Variants in UTRN observed in about 807,000 individuals in gnomAD.
UTRN encodes the protein utrophin.
In UTRN, 283 loss-of-function variants were observed where a neutral mutation model predicts 463.9. The observed-to-expected ratio is 0.61, with a 90% CI of 0.55 to 0.67. The LOEUF (loss-of-function observed/expected upper bound fraction) is 0.67, where lower values mean the gene tolerates loss of function less well. Ranked by LOEUF, UTRN falls within the 30% of genes least tolerant of loss-of-function variation. The probability of loss-of-function intolerance (pLI) is 0.00; values close to 1 mark genes in which losing one functional copy is unlikely to be tolerated. For missense variants in UTRN, 3,922 were observed against 4,084.3 expected (o/e 0.96, Z 1.08); for synonymous variants, 1,442 against 1,431.5 (o/e 1.01, Z -0.17).
intron 50 of UTRN, among the ~76,000 whole-genome samples, chr6:144,576,656 G>C (rs190280429): frequency 3.9e-5 from 6 of 152,140 alleles, no homozygotes; most frequent in Admixed American, 2.6e-4. Flanking sequence ...CAACACAAAA[G>C]GTAATTGTAT....
chr6:144,754,824 C>A, intron 57 of UTRN, 26 bp downstream of exon 57: 3 of 1,594,846 alleles, frequency 1.9e-6, no homozygotes, highest in Non-Finnish European at 2.6e-6. Context: ...CTGGACTGAT[C>A]GCATTAATTG....
At chr6:144,369,832 T>G (rs1779826181) in intron 2 of UTRN, among the ~76,000 whole-genome samples, 1 of 152,110 alleles carries the variant, frequency 6.6e-6, no homozygotes, top group South Asian at 2.1e-4. Flanking sequence ...GATCTAATGG[T>G]TTTATAAAGG....
intron 65 of UTRN, among the ~76,000 whole-genome samples, chr6:144,814,546 T>G (rs1192484883): frequency 6.6e-6 from 1 of 152,086 alleles, no homozygotes; most frequent in East Asian, 1.9e-4. Flanking sequence ...AAATTAATTA[T>G]ACAACCAAAA....
chr6:144,534,506 T>C (rs912333913), intron 43 of UTRN, among the ~76,000 whole-genome samples: 3 of 152,218 alleles, frequency 2.0e-5, no homozygotes, highest in Non-Finnish European at 4.4e-5. Flanking sequence ...AGGACTGTCA[T>C]GAGGATTAAA....
chr6:144,437,443 C>A, intron 10 of UTRN, 122 bp from the exon 11 acceptor site: 2 of 899,608 alleles, frequency 2.2e-6, no homozygotes, highest in Non-Finnish European at 3.1e-6. Context: ...TTTATTTGCG[C>A]TCTACTAGGC....
rs1250700562 is a variant in UTRN, at chr6:144,473,743, G to T, written c.3090G>T (p.Lys1030Asn). Residue 1030 changes from lysine (K) to asparagine (N), a missense_variant, in exon 24 of 75, where the codon AAG (lysine) becomes AAT (asparagine). Lys to Asn is a moderately conservative substitution (Grantham distance 94). Coordinates refer to ENST00000367545, the MANE Select transcript of UTRN (RefSeq NM_007124.3). ...AGGCCGATTCAACAGTCATTGAGAA[G>T]TGGATGGATGGCGTGAAAGACTTCT... The part of the protein sequence containing the change: ...AFEADSTVIE[K>N]WMDGVKDFLM... 6.2e-7 allele frequency: 1 copy of T among 1,614,046 alleles called. No individual in the cohort carries two copies. The highest frequency in any genetic ancestry group is 8.5e-7 in the Non-Finnish European group (1 of 1,180,038).
In UTRN at chr6:144,531,108, T is replaced by G. The variant is rs780947384; in HGVS notation, c.5963T>G (p.Leu1988Arg). 2.0e-5 allele frequency: 32 copies of G among 1,613,966 alleles called. No individual in the cohort carries two copies. In the South Asian group the frequency reaches 3.4e-4, roughly 17 times the overall value. Residue 1988 changes from leucine (L) to arginine (R), a missense_variant, in exon 42 of 75, where the codon CTC becomes CGC. Leu to Arg is a moderately radical substitution (Grantham distance 102, BLOSUM62 -2). This residue lies in a region of UTRN where 2,349 missense variants were observed against 2,303.8 expected (regional missense o/e 1.02). Coordinates refer to ENST00000367545, the MANE Select transcript of UTRN (RefSeq NM_007124.3). ...WRQFHCDLND[L>R]TQWITEAEEL... ...CAGTTCCATTGTGACCTTAATGACC[T>G]CACACAGTGGATAACAGAGGCTGAA...
At position 144,724,009 on chromosome 6, in the gene UTRN, C is replaced by CA. The variant is rs59598919; in HGVS notation, c.7810-6328dup. Among the ~76,000 whole-genome samples the CA allele has an allele frequency of 7.6e-3, 446 of 58,398 alleles. 8 individuals carry two copies. The highest frequency in any genetic ancestry group is 0.011 in the Non-Finnish European group (293 of 27,022). 38.3% of individuals were successfully genotyped at this position (58,398 alleles called of 152,430 possible). A position where few individuals can be genotyped will look rare whatever the true frequency, so the allele number is the denominator to read the frequency against. On this transcript the variant is annotated intron_variant, in intron 53 of 74. Coordinates refer to ENST00000367545, the MANE Select transcript of UTRN (RefSeq NM_007124.3). ...TGGGCGACAGAGTGAGACTCCATCT[C>CA]AAAAAAAAAAAAAAAAAAAAGAAAG... is the stretch of plus-strand genomic sequence containing the variant.
chr6:144,614,144 C>A (rs528949715), intron 51 of UTRN, among the ~76,000 whole-genome samples: 2 of 152,098 alleles, frequency 1.3e-5, no homozygotes, highest in South Asian at 2.1e-4. Flanking sequence ...GCAGGTGTAG[C>A]CTGAAAGAAT....
At chr6:144,562,284 C>T (rs902896483) in intron 50 of UTRN, among the ~76,000 whole-genome samples, 4 of 152,050 alleles carry the variant, frequency 2.6e-5, no homozygotes, top group African/African-American at 9.7e-5. Context: ...TGGTGGTTTG[C>T]TGCATCTATC....
intron 52 of UTRN, among the ~76,000 whole-genome samples, chr6:144,679,505 T>C (rs903146683): frequency 1.3e-5 from 2 of 152,206 alleles, no homozygotes; most frequent in African/African-American, 4.8e-5. Context: ...GACTTCACTA[T>C]TTACTCTCTG....
chr6:144,620,834 A>T (rs1200185460), intron 51 of UTRN, among the ~76,000 whole-genome samples: 1 of 152,196 alleles, frequency 6.6e-6, no homozygotes, highest in Non-Finnish European at 1.5e-5. Context: ...CTGAGGGAGA[A>T]GAAGGAAAAG....
intron 65 of UTRN, among the ~76,000 whole-genome samples, chr6:144,803,878 T>G (rs1031217941): frequency 6.6e-6 from 1 of 152,124 alleles, no homozygotes; most frequent in Non-Finnish European, 1.5e-5. Flanking sequence ...ATGGGTATTT[T>G]TTATGGTCAA....
At chr6:144,343,930 C>T (rs1435879333) in intron 2 of UTRN, among the ~76,000 whole-genome samples, 1 of 151,850 alleles carries the variant, frequency 6.6e-6, no homozygotes, top group Non-Finnish European at 1.5e-5. Flanking sequence ...TAATCTCTGT[C>T]ATAGGAACAT....
intron 3 of UTRN, among the ~76,000 whole-genome samples, chr6:144,410,812 GTGTGTGTGTA>G (rs778471953): frequency 6.3e-4 from 83 of 132,582 alleles, no homozygotes; most frequent in Admixed American, 2.2e-3. Context: ...GTGTGTGTGT[GTGTGTGTGTA>G]TATACACACC....
chr6:144,605,976 A>C (rs1009773527), intron 51 of UTRN, among the ~76,000 whole-genome samples: 3 of 150,428 alleles, frequency 2.0e-5, no homozygotes, highest in East Asian at 3.9e-4. Context: ...TACTGCAAAA[A>C]CTCTTTCTTG....
intron 49 of UTRN, among the ~76,000 whole-genome samples, chr6:144,555,729 AC>A (rs1799321321): frequency 6.6e-6 from 1 of 152,098 alleles, no homozygotes; most frequent in Admixed American, 6.5e-5. Flanking sequence ...TCTTGTGAGA[AC>A]TCACTATCAC....
At chr6:144,396,149 T>A (rs146213950) in intron 2 of UTRN, among the ~76,000 whole-genome samples, 1 of 152,256 alleles carries the variant, frequency 6.6e-6, no homozygotes, top group East Asian at 1.9e-4. Context: ...GACAAATGGA[T>A]AAAGAAACTG....
At chr6:144,419,088 C>T (rs1784607686) in intron 3 of UTRN, among the ~76,000 whole-genome samples, 1 of 151,382 alleles carries the variant, frequency 6.6e-6, no homozygotes, top group African/African-American at 2.4e-5. Context: ...CAGAATTGTA[C>T]TTCTGGTTGG....
Sources: allele counts gnomAD v4.1 joint callset (sites outside exome capture counted in the v4.1 genomes callset), GRCh38; gene constraint gnomAD v4.1.1; regional missense constraint gnomAD v4.1.1; transcripts MANE v1.5; gene names NCBI Gene and HGNC (gene_info 2026-07-23, HGNC 2026-07-21).